Variants in IGLL5 observed in about 807,000 individuals in gnomAD.
The protein encoded by IGLL5 is immunoglobulin lambda like polypeptide 5.
IGLL5 carries 30 observed loss-of-function variants against 20.9 expected under a neutral mutation model. The ratio of observed to expected loss-of-function variants is 1.44; its 90% CI spans 1.07 to 1.95. The LOEUF is 1.95. Among genes scored for constraint, IGLL5 ranks in the 30% most tolerant of loss-of-function variants. The pLI is 0.00. For synonymous variants in IGLL5, 203 were observed against 117.3 expected (o/e 1.73, Z -4.72); for missense variants, 475 against 270.7 (o/e 1.75, Z -5.30).
chr22:22,889,945 T>G (rs532718622), intron 1 of IGLL5, among the ~76,000 whole-genome samples: 1 of 151,180 alleles, frequency 6.6e-6, no homozygotes, highest in African/African-American at 2.4e-5. Context: ...TGTCAGAAAA[T>G]ATAGAAAAAT....
At chr22:22,888,456 A>G (rs923492529) in intron 1 of IGLL5, among the ~76,000 whole-genome samples, 197 bp downstream of exon 1, 11 of 151,386 alleles carry the variant, frequency 7.3e-5, no homozygotes, top group East Asian at 4.0e-4. Flanking sequence ...ATATCATATT[A>G]CGATATTATT....
chr22:22,888,218 A>T lies in IGLL5; in HGVS notation c.165A>T (p.Ser55=), dbSNP rs1207543596. Residue 55 remains serine, a synonymous_variant, in exon 1 of 3, where the codon TCA becomes TCT. Coordinates refer to ENST00000526893, the MANE Select transcript of IGLL5 (RefSeq NM_001178126.2). Reference sequence around the variant, plus strand: ...GCGGGGACCCAGACCCTGGAGCCTCAGTTGGAAGCAGCCGATCCAGCCTGC... The same window carrying T: ...GCGGGGACCCAGACCCTGGAGCCTCTGTTGGAAGCAGCCGATCCAGCCTGC... ...PQSGDPDPGA[S]VGSSRSSLRS... 2 of 1,548,208 alleles carry T rather than the reference A, an allele frequency of 1.3e-6. No homozygotes were observed. The highest frequency in any genetic ancestry group is 3.9e-5 in the Admixed American group (2 of 50,766).
Position 22,888,034 on chromosome 22 carries a change from G to T in IGLL5, c.-20G>T, listed in dbSNP as rs1385713581. 1.3e-6 allele frequency: 2 copies of T among 1,545,442 alleles called. No homozygotes were observed. Among genetic ancestry groups the T allele is most frequent in the African/African-American group, 1.4e-5 (1 of 72,736 alleles). ...CCATGCTGCAAGTCGGGCCAGAGGT[G>T]CCCCTGAACCTGAAGGCCAATGAGA... On this transcript the variant is annotated 5_prime_UTR_variant, in exon 1 of 3. Transcript: ENST00000526893.
intron 1 of IGLL5, among the ~76,000 whole-genome samples, chr22:22,889,041 T>TC (rs2067679285): frequency 6.6e-6 from 1 of 151,220 alleles, no homozygotes; most frequent in Admixed American, 6.6e-5. Flanking sequence ...CGTGCACCAT[T>TC]CCCAGTCCAG....
chr22:22,894,213 T>G (rs561109507), intron 2 of IGLL5, among the ~76,000 whole-genome samples: 25 of 151,004 alleles, frequency 1.7e-4, no homozygotes, highest in Admixed American at 6.6e-4. Flanking sequence ...CTGAGTCTCA[T>G]AGTCTAGGGG....
intron 1 of IGLL5, among the ~76,000 whole-genome samples, chr22:22,889,829 T>A: frequency 1.3e-5 from 2 of 151,376 alleles, no homozygotes; most frequent in Middle Eastern, 3.8e-3. Flanking sequence ...ATTCCTAAGC[T>A]CAAGCAATCT....
chr22:22,889,157 A>C (rs2067692115), intron 1 of IGLL5, among the ~76,000 whole-genome samples: 1 of 150,826 alleles, frequency 6.6e-6, no homozygotes, highest in African/African-American at 2.4e-5. Flanking sequence ...CGATTAGAGG[A>C]GGGAGGAGAG....
chr22:22,894,501 G>T (rs2146041383), intron 2 of IGLL5, among the ~76,000 whole-genome samples: 1 of 151,566 alleles, frequency 6.6e-6, no homozygotes, highest in Admixed American at 6.6e-5. Flanking sequence ...AGATGTGTCT[G>T]TCCCTGGAGC....
At chr22:22,891,823 C>T (rs6003378) in intron 1 of IGLL5, among the ~76,000 whole-genome samples, 3,441 of 150,968 alleles carry the variant, frequency 0.023, 135 homozygotes, top group African/African-American at 0.075. Context: ...AGCAAGGAAC[C>T]CTATTAACTT....
chr22:22,888,426 T>G (rs528392045), intron 1 of IGLL5, among the ~76,000 whole-genome samples, 167 bp downstream of exon 1: 1 of 151,508 alleles, frequency 6.6e-6, no homozygotes, highest in East Asian at 2.0e-4. Flanking sequence ...ATCACAGATT[T>G]GTTTGAATTA....
At chr22:22,893,927 T>G (rs2067949983) in intron 2 of IGLL5, 109 bp downstream of exon 2, 22 of 813,616 alleles carry the variant, frequency 2.7e-5, no homozygotes, top group South Asian at 2.4e-4. Context: ...CCTTAAGCAC[T>G]GACCCTTACC....
At chr22:22,888,629 T>G (rs548389448) in intron 1 of IGLL5, among the ~76,000 whole-genome samples, 4 of 150,906 alleles carry the variant, frequency 2.7e-5, no homozygotes, top group South Asian at 2.1e-4. Context: ...GGCCTGTTCC[T>G]CCCCCTCCTC....
intron 1 of IGLL5, among the ~76,000 whole-genome samples, chr22:22,888,570 G>A (rs2067616830): frequency 6.6e-6 from 1 of 151,342 alleles, no homozygotes; most frequent in African/African-American, 2.4e-5. Context: ...CAGAGGCAGG[G>A]ACAGGACATC....
In IGLL5 at chr22:22,893,831, C is replaced by A. The variant is rs747279453; in HGVS notation, c.325+13C>A. ...GTCACCGTCCTAGGTAAGTGGCTCT[C>A]AACCTTTCCCAGCCTGTCTCACCCT... On this transcript the variant is annotated intron_variant, in intron 2 of 2. Coordinates refer to ENST00000526893, the MANE Select transcript of IGLL5 (RefSeq NM_001178126.2). The A allele has an allele frequency of 2.0e-6, 3 of 1,528,230 alleles. No individual in the cohort carries two copies. The highest frequency in any genetic ancestry group is 1.7e-5 in the Admixed American group (1 of 59,706). The allele number at this position is 1,528,230 out of a possible 1,614,324, so 94.7% of individuals were successfully genotyped here. A position where few individuals can be genotyped will look rare whatever the true frequency, so the allele number is the denominator to read the frequency against.
intron 1 of IGLL5, among the ~76,000 whole-genome samples, chr22:22,889,012 G>A (rs1379065870): frequency 4.6e-5 from 7 of 151,388 alleles, no homozygotes; most frequent in Middle Eastern, 3.7e-3. Flanking sequence ...GGAAGGGGAG[G>A]CAAGAAGACC....
At position 22,888,193 on chromosome 22, in the gene IGLL5, G is replaced by T. The variant is rs540568540; in HGVS notation, c.140G>T (p.Ser47Ile). ...GLLRPMVAPQ[S>I]GDPDPGASVG... ...CTGCGCCCAATGGTTGCACCGCAAA[G>T]CGGGGACCCAGACCCTGGAGCCTCA... Residue 47 changes from serine to isoleucine, a missense_variant, in exon 1 of 3, where the codon AGC becomes ATC. Transcript: ENST00000526893. 6.5e-7 allele frequency: 1 copy of T among 1,548,798 alleles called. No homozygotes were observed. Among genetic ancestry groups the T allele is most frequent in the Non-Finnish European group, 8.7e-7 (1 of 1,146,536 alleles).
At chr22:22,888,310 GA>G (rs2067580671) in intron 1 of IGLL5, 51 bp downstream of exon 1, 1 of 1,522,162 alleles carries the variant, frequency 6.6e-7, no homozygotes, top group Non-Finnish European at 8.9e-7. Context: ...GCAGAGCTGG[GA>G]AAGGGTGACC....
intron 1 of IGLL5, among the ~76,000 whole-genome samples, chr22:22,891,046 A>T (rs149929279): frequency 6.6e-6 from 1 of 151,124 alleles, no homozygotes; most frequent in East Asian, 2.0e-4. Context: ...GGTCTGTTTT[A>T]CGGGTCTTTT....
Position 22,888,320 on chromosome 22 carries a change from C to T in IGLL5, c.206+61C>T, listed in dbSNP as rs182891015. 9.4e-6 allele frequency: 14 copies of T among 1,487,882 alleles called. 2 individuals are homozygous for T. The highest frequency in any genetic ancestry group is 5.6e-5 in the African/African-American group (4 of 71,408). The allele number at this position is 1,487,882 out of a possible 1,614,324, so 92.2% of individuals were successfully genotyped here. A position where few individuals can be genotyped will look rare whatever the true frequency, so the allele number is the denominator to read the frequency against. On this transcript the variant is annotated intron_variant, in intron 1 of 2. Transcript: ENST00000526893. ...CTGCAGCAGAGCTGGGAAAGGGTGA[C>T]CAAGGGGAGACAAGCCAGAGGAGTG... is the stretch of plus-strand genomic sequence containing the variant.
Sources: allele counts gnomAD v4.1 joint callset (sites outside exome capture counted in the v4.1 genomes callset), GRCh38; gene constraint gnomAD v4.1.1; transcripts MANE v1.5; gene names NCBI Gene and HGNC (gene_info 2026-07-23, HGNC 2026-07-21).